Variants in FASTKD2 observed in about 807,000 individuals in gnomAD.
FASTKD2 encodes FAST kinase domains 2.
In FASTKD2, 51 loss-of-function variants were observed where a neutral mutation model predicts 63.6. The observed-to-expected ratio is 0.80, with a 90% CI of 0.64 to 1.01. The LOEUF (loss-of-function observed/expected upper bound fraction) is 1.01. Ranked by LOEUF, FASTKD2 falls within the 50% of genes least tolerant of loss-of-function variation. The probability of loss-of-function intolerance (pLI) is 0.00; values close to 1 mark genes in which losing one functional copy is unlikely to be tolerated. For synonymous variants in FASTKD2, 284 were observed against 293.4 expected (o/e 0.97, Z 0.33); for missense variants, 786 against 831.1 (o/e 0.95, Z 0.67).
intron 7 of FASTKD2, among the ~76,000 whole-genome samples, chr2:206,777,557 A>G (rs2105978155): frequency 6.6e-6 from 1 of 152,204 alleles, no homozygotes; most frequent in Middle Eastern, 3.4e-3. Flanking sequence ...TTCTAATGCT[A>G]ATATTTTGTT....
rs772314275 is a variant in FASTKD2 at position 206,766,697 on chromosome 2, T to C, written c.4T>C (p.Leu2=). The change falls in exon 2 of 12, where the codon TTG becomes CTG. Residue 2 remains leucine (L), a synonymous_variant. Transcript: ENST00000402774. ...TAGTAGAAGTGACGTTGGTTTCATGTTGACAACTTTGAAGCCATTTGGAAG... is the reference window on the plus strand; with the variant it reads ...TAGTAGAAGTGACGTTGGTTTCATGCTGACAACTTTGAAGCCATTTGGAAG... M[L]TTLKPFGSVS... is the part of the protein sequence containing the mutation. 1 of 1,614,062 alleles carries C rather than the reference T, an allele frequency of 6.2e-7. No individual in the cohort carries two copies. Among genetic ancestry groups the C allele is most frequent in the Non-Finnish European group, 8.5e-7 (1 of 1,179,928 alleles).
chr2:206,787,962 G>T lies in FASTKD2; in HGVS notation c.1620G>T (p.Leu540=), dbSNP rs764598723. The T allele has an allele frequency of 6.2e-6, 10 of 1,609,526 alleles. No homozygotes were observed. The highest frequency in any genetic ancestry group is 8.5e-6 in the Non-Finnish European group (10 of 1,176,092). ...TSDDMKNAYK[L]HTLDTCLKLD... ...ATGACATGAAGAATGCTTACAAGCT[G>T]CATACTTTGGATACTTGTCTAAAAC... is the stretch of plus-strand genomic sequence containing the variant. The change falls in exon 9 of 12, where the codon CTG becomes CTT. Residue 540 remains leucine (L), a synonymous_variant. Transcript: ENST00000402774.
rs866706739 is a variant in FASTKD2, at chr2:206,773,368, G to A, written c.1255-857G>A. ...GTATGGTACTTTTGTTAGATATTTA[G>A]CATGATTTCCGTGTTTATACTTTGT... On this transcript the variant is annotated intron_variant, in intron 6 of 11. Transcript: ENST00000402774. Among the ~76,000 whole-genome samples, 12 of 148,582 alleles carry A rather than the reference G, an allele frequency of 8.1e-5. No homozygotes were observed. The South Asian group carries it at 1.9e-3, about 24-fold the overall frequency.
chr2:206,792,146 T>C lies in FASTKD2; in HGVS notation c.*344T>C, dbSNP rs909157630. The C allele has an allele frequency of 9.6e-6, 3 of 313,226 alleles. No individual in the cohort carries two copies. The highest frequency in any genetic ancestry group is 1.8e-5 in the Non-Finnish European group (3 of 164,970). The allele number at this position is 313,226 out of a possible 1,614,324, so 19.4% of individuals were successfully genotyped here. ...AGGTTGATGTGGGTAGTAGTCCTTG[T>C]CTTTGGAATCTGAATATTTATACTC... On this transcript the variant is annotated 3_prime_UTR_variant, in exon 12 of 12. Coordinates refer to ENST00000402774, the MANE Select transcript of FASTKD2 (RefSeq NM_001136193.2).
intron 11 of FASTKD2, 25 bp downstream of exon 11, chr2:206,790,711 A>G: frequency 1.6e-6 from 2 of 1,287,804 alleles, no homozygotes; most frequent in Middle Eastern, 1.8e-4. Context: ...CAAATGAAAT[A>G]TTCTTTAATT....
At position 206,795,577 on chromosome 2, in the gene FASTKD2, C is replaced by T. The variant is rs886055524; in HGVS notation, c.*3775C>T. Among the ~76,000 whole-genome samples, 6 of 152,152 alleles carry T rather than the reference C, an allele frequency of 3.9e-5. No homozygotes were observed. The highest frequency in any genetic ancestry group is 7.4e-5 in the Non-Finnish European group (5 of 68,020). ...CACACTTGTAACCCATTTGTGCACA[C>T]AGGTGTGCCGTGACTCACTGGTGGA... On this transcript the variant is annotated 3_prime_UTR_variant, in exon 12 of 12. Coordinates refer to ENST00000402774, the MANE Select transcript of FASTKD2 (RefSeq NM_001136193.2).
chr2:206,766,184 T>C (rs1215324874), intron 1 of FASTKD2, among the ~76,000 whole-genome samples: 1 of 135,756 alleles, frequency 7.4e-6, no homozygotes. Flanking sequence ...TGCTTGAACC[T>C]GGGAGGTGGA....
intron 7 of FASTKD2, among the ~76,000 whole-genome samples, chr2:206,776,975 A>G (rs1250364474): frequency 6.6e-6 from 1 of 151,376 alleles, no homozygotes; most frequent in East Asian, 2.0e-4. Flanking sequence ...TCTTTCATCA[A>G]TTTCTTTGTA....
Position 206,767,047 on chromosome 2 carries a change from G to T in FASTKD2, c.354G>T (p.Gln118His). 6.2e-7 allele frequency: 1 copy of T among 1,614,068 alleles called. No homozygotes were observed. The highest frequency in any genetic ancestry group is 8.5e-7 in the Non-Finnish European group (1 of 1,179,946). ...AAAGACTGTTTTTTGACTCAAAGCA[G>T]TCTCTTGTCCCTGTTGATAAATCTG... ...YAKRLFFDSK[Q>H]SLVPVDKSDD... Residue 118 changes from glutamine (Q) to histidine (H), a missense_variant, in exon 2 of 12, where the codon CAG becomes CAT. Physicochemically the swap from Gln to His is conservative, Grantham distance 24 (BLOSUM62 0). Transcript: ENST00000402774.
At chr2:206,768,279 A>C (rs1351186434) in intron 2 of FASTKD2, among the ~76,000 whole-genome samples, 1 of 152,212 alleles carries the variant, frequency 6.6e-6, no homozygotes, top group African/African-American at 2.4e-5. Context: ...TTTTAGTCTA[A>C]AGCAAGAATG....
Position 206,787,965 on chromosome 2 carries a change from T to TA in FASTKD2, c.1624dup (p.Thr542AsnfsTer9). 1 of 1,611,360 alleles carries TA rather than the reference T, an allele frequency of 6.2e-7. No homozygotes were observed. The highest frequency in any genetic ancestry group is 8.5e-7 in the Non-Finnish European group (1 of 1,177,530). On this transcript the variant is annotated frameshift_variant, in exon 9 of 12. Transcript: ENST00000402774. LOFTEE classifies it high-confidence loss of function. ...ACATGAAGAATGCTTACAAGCTGCA[T>TA]ACTTTGGATACTTGTCTAAAACTTG...
At chr2:206,790,546 C>G (rs1690255930) in intron 10 of FASTKD2, 26 bp from the exon 11 acceptor site, 11 of 1,323,714 alleles carry the variant, frequency 8.3e-6, no homozygotes, top group Non-Finnish European at 1.2e-5. Context: ...AATAACTGTT[C>G]TTGTTTTGTT....
rs559649435 is a variant in FASTKD2 at position 206,788,662 on chromosome 2, G to T, written c.1814-157G>T. ...GGGTAAAAGGATTGCTTGAACCTGGGAAGTTGCTGCAGTGAGCTGAGATCA... is the reference window on the plus strand; with the variant it reads ...GGGTAAAAGGATTGCTTGAACCTGGTAAGTTGCTGCAGTGAGCTGAGATCA... On this transcript the variant is annotated intron_variant, in intron 9 of 11. Coordinates refer to ENST00000402774, the MANE Select transcript of FASTKD2 (RefSeq NM_001136193.2). Among the ~76,000 whole-genome samples, 25 of 145,614 alleles carry T rather than the reference G, an allele frequency of 1.7e-4. 1 individual carries two copies. In the East Asian group the frequency reaches 5.2e-3, roughly 30 times the overall value.
chr2:206,792,352 A>C lies in FASTKD2; in HGVS notation c.*550A>C, dbSNP rs1273664917. 6.3e-6 allele frequency: 1 copy of C among 157,976 alleles called. No individual in the cohort carries two copies. Among genetic ancestry groups the C allele is most frequent in the Non-Finnish European group, 1.4e-5 (1 of 71,532 alleles). The allele number at this position is 157,976 out of a possible 1,614,324, so 9.8% of individuals were successfully genotyped here. A position where few individuals can be genotyped will look rare whatever the true frequency, so the allele number is the denominator to read the frequency against. ...TAAGCACTGCAGGTAGAGATATTTC[A>C]TGGGTTATAATAAGAGAAACACAGA... On this transcript the variant is annotated 3_prime_UTR_variant, in exon 12 of 12. Transcript: ENST00000402774.
At chr2:206,787,010 G>T in intron 8 of FASTKD2, 111 bp downstream of exon 8, 1 of 729,336 alleles carries the variant, frequency 1.4e-6, no homozygotes, top group Non-Finnish European at 2.4e-6. Context: ...GTTGAAATTT[G>T]CAGAGCAGGT....
At position 206,766,675 on chromosome 2, in the gene FASTKD2, T is replaced by A. The variant is rs1209760898; in HGVS notation, c.-19T>A. 1 of 1,611,304 alleles carries A rather than the reference T, an allele frequency of 6.2e-7. No homozygotes were observed. Among genetic ancestry groups the A allele is most frequent in the South Asian group, 1.1e-5 (1 of 91,026 alleles). ...GACAGCACGTGTTCTTTTTCACTAG[T>A]AGAAGTGACGTTGGTTTCATGTTGA... On this transcript the variant is annotated 5_prime_UTR_variant, in exon 2 of 12. Transcript: ENST00000402774.
chr2:206,785,472 G>A (rs978544653), intron 7 of FASTKD2, among the ~76,000 whole-genome samples: 2 of 152,074 alleles, frequency 1.3e-5, no homozygotes, highest in East Asian at 3.9e-4. Flanking sequence ...CAAGTGAAAG[G>A]CCCTCTATAT....
chr2:206,777,372 C>T (rs1046987390), intron 7 of FASTKD2, among the ~76,000 whole-genome samples: 1 of 151,976 alleles, frequency 6.6e-6, no homozygotes, highest in African/African-American at 2.4e-5. Flanking sequence ...GTTGAGAGCC[C>T]TTATCATAAA....
chr2:206,771,101 G>T lies in FASTKD2; in HGVS notation c.882-81G>T. ...TTCATAATCCTTGCCTGTAAGAAGG[G>T]GCTGGACCAAATGAAATTTTAAGAT... On this transcript the variant is annotated intron_variant, in intron 3 of 11. Coordinates refer to ENST00000402774, the MANE Select transcript of FASTKD2 (RefSeq NM_001136193.2). 3 of 826,130 alleles carry T rather than the reference G, an allele frequency of 3.6e-6. No homozygotes were observed. The East Asian group carries it at 8.0e-5, about 22-fold the overall frequency. The allele number at this position is 826,130 out of a possible 1,614,324, so 51.2% of individuals were successfully genotyped here.
Sources: allele counts gnomAD v4.1 joint callset (sites outside exome capture counted in the v4.1 genomes callset), GRCh38; gene constraint gnomAD v4.1.1; transcripts MANE v1.5; gene names NCBI Gene and HGNC (gene_info 2026-07-23, HGNC 2026-07-21).